Variants in KPNB1 observed in about 807,000 individuals in gnomAD.
KPNB1 encodes the protein karyopherin subunit beta 1.
In KPNB1, 7 loss-of-function variants were observed where a neutral mutation model predicts 113.0. The ratio of observed to expected loss-of-function variants is 0.06; its 90% CI spans 0.04 to 0.12. The LOEUF (loss-of-function observed/expected upper bound fraction) is 0.12. KPNB1 is among the 10% of genes least tolerant of loss of function. The pLI, the probability that KPNB1 is intolerant of heterozygous loss-of-function variation, is 1.00. For synonymous variants in KPNB1, 363 were observed against 378.6 expected (o/e 0.96, Z 0.48); for missense variants, 400 against 1,054.8 (o/e 0.38, Z 8.60).
chr17:47,682,247 T>C (rs1221662167), intron 21 of KPNB1, among the ~76,000 whole-genome samples, 157 bp from the exon 22 acceptor site: 2 of 152,222 alleles, frequency 1.3e-5, no homozygotes, highest in African/African-American at 2.4e-5. Flanking sequence ...TAAGAGCAGG[T>C]CAATGGCACA....
At chr17:47,650,600 C>T (rs1399425725) in intron 2 of KPNB1, among the ~76,000 whole-genome samples, 156 bp downstream of exon 2, 1 of 141,060 alleles carries the variant, frequency 7.1e-6, no homozygotes, top group Non-Finnish European at 1.6e-5. Context: ...TCCAACCTAA[C>T]CCCGCCATCG....
At chr17:47,669,088 ATTCT>A (rs889771000) in intron 10 of KPNB1, among the ~76,000 whole-genome samples, 7 of 131,652 alleles carry the variant, frequency 5.3e-5, no homozygotes, top group African/African-American at 1.0e-4. Flanking sequence ...TATCTGAGTA[ATTCT>A]TTTTTTTTTT....
Position 47,669,857 on chromosome 17 carries a change from A to C in KPNB1, c.1404A>C (p.Ser468=). The C allele has an allele frequency of 6.2e-7, 1 of 1,605,412 alleles. No homozygotes were observed. The highest frequency in any genetic ancestry group is 8.5e-7 in the Non-Finnish European group (1 of 1,172,496). Reference sequence around the variant, plus strand: ...TCAGTGCTGAACCCAGAGTGGCTTCAAATGTGTGCTGGGTAAGGGATTTTC... The same window carrying C: ...TCAGTGCTGAACCCAGAGTGGCTTCCAATGTGTGCTGGGTAAGGGATTTTC... ...EGLSAEPRVA[S]NVCWAFSSLA... Residue 468 remains serine, a synonymous_variant, in exon 11 of 22, where the codon TCA becomes TCC. Coordinates refer to ENST00000290158, the MANE Select transcript of KPNB1 (RefSeq NM_002265.6).
chr17:47,650,673 C>G (rs1915531641), intron 2 of KPNB1, among the ~76,000 whole-genome samples: 1 of 152,116 alleles, frequency 6.6e-6, no homozygotes, highest in South Asian at 2.1e-4. Context: ...GCGCGCCGAG[C>G]TGCCTGCCGC....
intron 9 of KPNB1, among the ~76,000 whole-genome samples, chr17:47,666,262 A>G (rs2030265213): frequency 6.6e-6 from 1 of 151,474 alleles, no homozygotes; most frequent in South Asian, 2.1e-4. Context: ...CATGTTAGCC[A>G]GGCTGGTCTC....
chr17:47,674,089 G>C (rs1397924407), intron 14 of KPNB1, among the ~76,000 whole-genome samples: 1 of 152,078 alleles, frequency 6.6e-6, no homozygotes, highest in Non-Finnish European at 1.5e-5. Flanking sequence ...CCTTGAATTT[G>C]TACCGTCATC....
At chr17:47,651,081 G>T in intron 2 of KPNB1, 7 of 221,334 alleles carry the variant, frequency 3.2e-5, no homozygotes, top group Non-Finnish European at 3.8e-5. Context: ...TGGATGAATA[G>T]AGACCTAATC....
chr17:47,650,573 C>CCT (rs1915522309), intron 2 of KPNB1, 129 bp downstream of exon 2: 2 of 752,208 alleles, frequency 2.7e-6, no homozygotes, highest in African/African-American at 3.5e-5. Context: ...CCCCCTCCCC[C>CCT]TCCCCCCCCA....
chr17:47,679,523 T>C (rs1402199533), intron 19 of KPNB1, among the ~76,000 whole-genome samples: 2 of 152,222 alleles, frequency 1.3e-5, no homozygotes, highest in Non-Finnish European at 2.9e-5. Context: ...ATTTGTCTCT[T>C]CTGTCGACTT....
intron 8 of KPNB1, 63 bp from the exon 9 acceptor site, chr17:47,664,994 T>C (rs1487826577): frequency 1.6e-5 from 18 of 1,140,706 alleles, no homozygotes; most frequent in Non-Finnish European, 2.3e-5. Flanking sequence ...CGGCTCTCAT[T>C]GTATGCCTTT....
intron 3 of KPNB1, among the ~76,000 whole-genome samples, chr17:47,654,743 A>G (rs527263489): frequency 6.6e-6 from 1 of 152,322 alleles, no homozygotes; most frequent in African/African-American, 2.4e-5. Context: ...TAAAGGAAAA[A>G]GGTAAAGGTA....
chr17:47,650,127 G>GGCCCCCCCC lies in KPNB1; in HGVS notation c.-118_-117insGCCCCCCCC. 1 of 686,060 alleles carries GGCCCCCCCC rather than the reference G, an allele frequency of 1.5e-6. No individual in the cohort carries two copies. The highest frequency in any genetic ancestry group is 1.7e-6 in the Non-Finnish European group (1 of 580,152). The allele number at this position is 686,060 out of a possible 1,614,324, so 42.5% of individuals were successfully genotyped here. ...GGTGAATGGGTTTGTGGTGACCCCCGCCCCCCACCCCACCCTCCCTTCCCA... is the reference window on the plus strand; with the variant it reads ...GGTGAATGGGTTTGTGGTGACCCCCGGCCCCCCCCCCCCCCACCCCACCCTCCCTTCCCA... On this transcript the variant is annotated 5_prime_UTR_variant, in exon 1 of 22. Transcript: ENST00000290158.
intron 19 of KPNB1, 36 bp from the exon 20 acceptor site, chr17:47,679,984 A>C: frequency 7.0e-7 from 1 of 1,430,718 alleles, no homozygotes; most frequent in Non-Finnish European, 9.9e-7. Context: ...GGCATGAGCC[A>C]CCGCACCCGA....
intron 15 of KPNB1, among the ~76,000 whole-genome samples, chr17:47,675,364 T>TTTTTG (rs2030572259): frequency 2.6e-5 from 3 of 113,262 alleles, no homozygotes; most frequent in African/African-American, 7.9e-5. Flanking sequence ...AGGTGTTGTT[T>TTTTTG]TTTTTTTGTT....
rs751554346 is a variant in KPNB1 at position 47,678,148 on chromosome 17, T to C, written c.2206T>C (p.Leu736=). The change falls in exon 18 of 22, where the codon TTG becomes CTG. Residue 736 remains leucine, a synonymous_variant. Transcript: ENST00000290158. The stretch of plus-strand genomic sequence containing the variant: ...GTTTAAAAAATACTTAGAGGTTGTA[T>C]TGAATACTCTTCAGCAGGCCTCCCA... ...GEFKKYLEVV[L]NTLQQASQAQ... is the part of the protein sequence containing the mutation. 2.5e-5 allele frequency: 41 copies of C among 1,614,228 alleles called. No homozygotes were observed. The highest frequency in any genetic ancestry group is 3.3e-4 in the Middle Eastern group (2 of 6,062).
chr17:47,659,860 T>C (rs1021250649), intron 5 of KPNB1, among the ~76,000 whole-genome samples: 1 of 151,684 alleles, frequency 6.6e-6, no homozygotes, highest in African/African-American at 2.4e-5. Context: ...ATTTCACCAC[T>C]GTACTTCAGC....
chr17:47,668,961 A>G (rs938826725), intron 10 of KPNB1, among the ~76,000 whole-genome samples: 4 of 151,230 alleles, frequency 2.6e-5, no homozygotes, highest in African/African-American at 7.3e-5. Context: ...GCGAAACTCT[A>G]TCTCAAAAAA....
intron 9 of KPNB1, among the ~76,000 whole-genome samples, chr17:47,666,497 T>C (rs926993977): frequency 2.1e-5 from 3 of 142,004 alleles, no homozygotes; most frequent in African/African-American, 7.7e-5. Context: ...ATATATTTTA[T>C]ATAATGTTAT....
intron 4 of KPNB1, among the ~76,000 whole-genome samples, 178 bp downstream of exon 4, chr17:47,657,238 C>G (rs555892647): frequency 6.6e-6 from 1 of 152,270 alleles, no homozygotes; most frequent in African/African-American, 2.4e-5. Context: ...TAATCATGCC[C>G]TAAAGTAAAG....
Sources: gnomAD v4.1 joint callset for allele counts (sites outside exome capture counted in the v4.1 genomes callset) on GRCh38, gnomAD v4.1.1 for gene constraint, MANE v1.5 for transcripts, NCBI Gene and HGNC (gene_info 2026-07-23, HGNC 2026-07-21) for gene names.